The following NUFIP2 variants were observed in gnomAD, a reference collection of about 807,000 sequenced individuals.
NUFIP2 encodes the protein FMR1-interacting protein NUFIP2.
NUFIP2 carries 6 observed loss-of-function variants against 56.9 expected under a neutral mutation model. That is an observed-to-expected ratio of 0.11 (90% CI 0.06 to 0.21). The LOEUF (loss-of-function observed/expected upper bound fraction) is 0.21, where lower values mean the gene tolerates loss of function less well. NUFIP2 is among the 10% of genes least tolerant of loss of function. The pLI is 1.00. For synonymous variants in NUFIP2, 321 were observed against 298.2 expected, an observed-to-expected ratio of 1.08 and a Z score of -0.79; for missense variants, 828 against 826.8, an observed-to-expected ratio of 1.00 and a Z score of -0.02.
At chr17:29,282,728 A>C (rs1340919844) in intron 2 of NUFIP2, among the ~76,000 whole-genome samples, 1 of 152,176 alleles carries the variant, frequency 6.6e-6, no homozygotes, top group Non-Finnish European at 1.5e-5. Context: ...TCCAATTCTA[A>C]GCCCAACTTC....
chr17:29,279,072 T>C (rs1289295438), intron 2 of NUFIP2, among the ~76,000 whole-genome samples: 1 of 152,192 alleles, frequency 6.6e-6, no homozygotes, highest in Non-Finnish European at 1.5e-5. Flanking sequence ...CACACATTAA[T>C]AAGATTATTA....
chr17:29,293,729 C>T (rs1442015767), intron 1 of NUFIP2, 54 bp downstream of exon 1: 1 of 1,206,966 alleles, frequency 8.3e-7, no homozygotes, highest in African/African-American at 1.5e-5. Context: ...CCACCCCCAT[C>T]TCTCCTGTCC....
chr17:29,274,160 C>A (rs1419080145), intron 2 of NUFIP2, among the ~76,000 whole-genome samples: 1 of 152,168 alleles, frequency 6.6e-6, no homozygotes, highest in Non-Finnish European at 1.5e-5. Context: ...GGTGAACAAA[C>A]AATTACTATC....
At chr17:29,267,620 T>A in intron 2 of NUFIP2, 90 bp from the exon 3 acceptor site, 1 of 767,968 alleles carries the variant, frequency 1.3e-6, no homozygotes, top group Non-Finnish European at 2.1e-6. Context: ...AATCCTAGAC[T>A]GATTACTGCC....
chr17:29,262,182 G>C lies in NUFIP2; in HGVS notation c.*2357C>G, dbSNP rs776154248. 6.6e-6 allele frequency: 1 copy of C among 152,430 alleles called. No individual in the cohort carries two copies. The highest frequency in any genetic ancestry group is 2.1e-4 in the South Asian group (1 of 4,824). 9.4% of individuals were successfully genotyped at this position (152,430 alleles called of 1,614,324 possible). A position where few individuals can be genotyped will look rare whatever the true frequency, so the allele number is the denominator to read the frequency against. On this transcript the variant is annotated 3_prime_UTR_variant, in exon 4 of 4. Transcript: ENST00000225388. ...ATGTCACAAACCCAGAAAGTTTCTTGTGAGTTGTGAGACGGAAGAACTTTA... is the reference window on the plus strand; with the variant it reads ...ATGTCACAAACCCAGAAAGTTTCTTCTGAGTTGTGAGACGGAAGAACTTTA...
chr17:29,286,797 G>C lies in NUFIP2; in HGVS notation c.1197C>G (p.Ser399=). The C allele has an allele frequency of 1.2e-6, 2 of 1,614,106 alleles. No homozygotes were observed. Among genetic ancestry groups the C allele is most frequent in the Non-Finnish European group, 1.7e-6 (2 of 1,180,010 alleles). Residue 399 remains serine, a synonymous_variant, in exon 2 of 4, where the codon TCC becomes TCG. Transcript: ENST00000225388. ...ETQTQSSSRL[S]QVPMSALKSV... ...ATTTCAGCGCTGACATAGGGACCTG[G>C]GATAAGCGACTTGATGATTGGGTCT... is the stretch of plus-strand genomic sequence containing the variant.
intron 2 of NUFIP2, among the ~76,000 whole-genome samples, chr17:29,269,494 T>C (rs2069058759): frequency 2.0e-5 from 3 of 152,026 alleles, no homozygotes; most frequent in Admixed American, 6.6e-5. Context: ...ATTAAAACTG[T>C]AAAAACCAAA....
At chr17:29,265,645 A>ATT (rs1239145683) in intron 3 of NUFIP2, among the ~76,000 whole-genome samples, 1 of 146,098 alleles carries the variant, frequency 6.8e-6, no homozygotes, top group African/African-American at 2.5e-5. Context: ...TATATATTAT[A>ATT]TTATATATAT....
intron 1 of NUFIP2, among the ~76,000 whole-genome samples, chr17:29,293,131 G>C (rs1026120316): frequency 1.3e-5 from 2 of 151,712 alleles, no homozygotes; most frequent in African/African-American, 4.8e-5. Flanking sequence ...AGCGGGCGCG[G>C]GGCGCCGGCC....
At chr17:29,285,849 G>C in intron 2 of NUFIP2, 143 bp downstream of exon 2, 1 of 624,732 alleles carries the variant, frequency 1.6e-6, no homozygotes, top group South Asian at 2.3e-5. Context: ...CCCTGAATTA[G>C]TTTGACACCA....
rs887128557 is a variant in NUFIP2, at chr17:29,259,259, G to A, written c.*5280C>T. The A allele has an allele frequency of 1.3e-5, 2 of 152,158 alleles. No individual in the cohort carries two copies. Among genetic ancestry groups the A allele is most frequent in the Non-Finnish European group, 2.9e-5 (2 of 68,030 alleles). 9.4% of individuals were successfully genotyped at this position (152,158 alleles called of 1,614,324 possible). On this transcript the variant is annotated 3_prime_UTR_variant, in exon 4 of 4. Coordinates refer to ENST00000225388, the MANE Select transcript of NUFIP2 (RefSeq NM_020772.3). ...AGTAAAACTAAATTGGAAAATAAATGTTTGTAGTTAGTTTAATAAGGCTGT... is the reference window on the plus strand; with the variant it reads ...AGTAAAACTAAATTGGAAAATAAATATTTGTAGTTAGTTTAATAAGGCTGT...
In NUFIP2 at chr17:29,257,750, G is replaced by A. The variant is rs1280994063; in HGVS notation, c.*6789C>T. The A allele has an allele frequency of 6.6e-6, 1 of 152,090 alleles. No individual in the cohort carries two copies. The highest frequency in any genetic ancestry group is 2.4e-5 in the African/African-American group (1 of 41,418). 9.4% of individuals were successfully genotyped at this position (152,090 alleles called of 1,614,324 possible). A position where few individuals can be genotyped will look rare whatever the true frequency, so the allele number is the denominator to read the frequency against. On this transcript the variant is annotated 3_prime_UTR_variant, in exon 4 of 4. Transcript: ENST00000225388. Reference sequence around the variant, plus strand: ...ATAACACTTCTTTAAAACACTAAAAGAGACAGCAAGCTGAAACTTTTTTCA... The same window carrying A: ...ATAACACTTCTTTAAAACACTAAAAAAGACAGCAAGCTGAAACTTTTTTCA...
In NUFIP2 at chr17:29,273,047, T is replaced by C. The variant is rs201473003; in HGVS notation, c.2003-5517A>G. Among the ~76,000 whole-genome samples the C allele has an allele frequency of 9.1e-3, 689 of 75,642 alleles. 2 individuals carry two copies. The highest frequency in any genetic ancestry group is 0.022 in the South Asian group (37 of 1,674). 49.6% of individuals were successfully genotyped at this position (75,642 alleles called of 152,430 possible). A position where few individuals can be genotyped will look rare whatever the true frequency, so the allele number is the denominator to read the frequency against. The stretch of plus-strand genomic sequence containing the variant: ...ATATATATATATACACACACACACA[T>C]ATATATATATAGGAGACAGAGTCTC... On this transcript the variant is annotated intron_variant, in intron 2 of 3. Coordinates refer to ENST00000225388, the MANE Select transcript of NUFIP2 (RefSeq NM_020772.3).
intron 1 of NUFIP2, 136 bp downstream of exon 1, chr17:29,293,646 AG>A: frequency 1.1e-6 from 1 of 919,628 alleles, no homozygotes. Context: ...CTAGAATGAA[AG>A]GGGCATCCCC....
At chr17:29,267,432 C>T in intron 3 of NUFIP2, 66 bp downstream of exon 3, 8 of 870,964 alleles carry the variant, frequency 9.2e-6, no homozygotes, top group Non-Finnish European at 1.5e-5. Flanking sequence ...ATCTGTTAAT[C>T]CCACCCAAAA....
intron 3 of NUFIP2, 99 bp downstream of exon 3, chr17:29,267,399 G>T: frequency 1.5e-6 from 1 of 677,310 alleles, no homozygotes. Context: ...AAAATACAAA[G>T]TCTATTTGGT....
intron 1 of NUFIP2, among the ~76,000 whole-genome samples, chr17:29,290,355 G>A (rs2069203593): frequency 6.6e-6 from 1 of 151,982 alleles, no homozygotes; most frequent in Non-Finnish European, 1.5e-5. Flanking sequence ...TTTTCTAAAA[G>A]CTTTTTTCCT....
chr17:29,285,403 C>T lies in NUFIP2; in HGVS notation c.2002+589G>A, dbSNP rs1213574668. Among the ~76,000 whole-genome samples the T allele has an allele frequency of 3.3e-5, 5 of 152,016 alleles. No homozygotes were observed. In the East Asian group the frequency reaches 9.7e-4, roughly 29 times the overall value. ...GTCAAGAGGTCAAGACCATCCTGGC[C>T]AACATGGTGAAACCCCGTCTCTACT... is the stretch of plus-strand genomic sequence containing the variant. On this transcript the variant is annotated intron_variant, in intron 2 of 3. Transcript: ENST00000225388.
chr17:29,267,573 C>CA, intron 2 of NUFIP2, 43 bp from the exon 3 acceptor site: 2 of 1,242,860 alleles, frequency 1.6e-6, no homozygotes, highest in South Asian at 2.5e-5. Flanking sequence ...TTTTGGTGAG[C>CA]AAAGTCTGAA....
Sources: gnomAD v4.1 joint callset for allele counts (sites outside exome capture counted in the v4.1 genomes callset) on GRCh38, gnomAD v4.1.1 for gene constraint, MANE v1.5 for transcripts, NCBI Gene and HGNC (gene_info 2026-07-23, HGNC 2026-07-21) for gene names.